Variants in RIT2 observed in about 807,000 individuals in gnomAD.
RIT2 encodes the protein Ras like without CAAX 2.
RIT2 carries 24 observed loss-of-function variants against 23.7 expected under a neutral mutation model. The ratio of observed to expected loss-of-function variants is 1.01; its 90% CI spans 0.73 to 1.43. The LOEUF is 1.43. Ranked by LOEUF, RIT2 falls within the 40% of genes most tolerant of loss-of-function variation. The pLI, the probability that RIT2 is intolerant of heterozygous loss-of-function variation, is 0.00. For missense variants in RIT2, 236 were observed against 266.9 expected, an observed-to-expected ratio of 0.88 and a Z score of 0.81; for synonymous variants, 107 against 91.1, an observed-to-expected ratio of 1.17 and a Z score of -0.99.
intron 4 of RIT2, among the ~76,000 whole-genome samples, chr18:42,848,709 C>T (rs1202244301): frequency 2.0e-5 from 3 of 152,052 alleles, no homozygotes; most frequent in Admixed American, 1.3e-4. Context: ...CTCTCGTTAG[C>T]ATAAATGGCA....
At chr18:42,839,343 A>C (rs138682760) in intron 4 of RIT2, among the ~76,000 whole-genome samples, 22 of 152,298 alleles carry the variant, frequency 1.4e-4, no homozygotes, top group African/African-American at 5.3e-4. Flanking sequence ...CAATGAGAAT[A>C]CTGGACTTTG....
chr18:43,022,401 TAAC>T (rs1911617702), intron 2 of RIT2, among the ~76,000 whole-genome samples: 1 of 152,084 alleles, frequency 6.6e-6, no homozygotes, highest in South Asian at 2.1e-4. Flanking sequence ...CAGAGTAGGG[TAAC>T]TACAGTTAAT....
chr18:42,896,264 C>CA (rs1028267779), intron 4 of RIT2, among the ~76,000 whole-genome samples: 9 of 151,560 alleles, frequency 5.9e-5, no homozygotes, highest in East Asian at 1.9e-4. Flanking sequence ...AACTCCGTCA[C>CA]AAAAAAAATA....
rs191326575 is a variant in RIT2 at position 42,788,541 on chromosome 18, C to T, written c.427-44821G>A. 3.0e-3 allele frequency among the ~76,000 whole-genome samples: 459 copies of T among 152,242 alleles called. 2 individuals are homozygous for T. Among genetic ancestry groups the T allele is most frequent in the South Asian group, 0.013 (61 of 4,830 alleles). ...ATTTGTCATTTGAAATCATGGTTTA[C>T]TCTCAAGTGAATGTTGATGTATTTT... On this transcript the variant is annotated intron_variant, in intron 4 of 4. Coordinates refer to ENST00000326695, the MANE Select transcript of RIT2 (RefSeq NM_002930.4).
chr18:42,944,087 C>T lies in RIT2; in HGVS notation c.235-20324G>A, dbSNP rs112731022. Among the ~76,000 whole-genome samples the T allele has an allele frequency of 6.1e-3, 930 of 152,224 alleles. 3 individuals are homozygous for T. Among genetic ancestry groups the T allele is most frequent in the Non-Finnish European group, 9.2e-3 (624 of 67,998 alleles). On this transcript the variant is annotated intron_variant, in intron 3 of 4. Coordinates refer to ENST00000326695, the MANE Select transcript of RIT2 (RefSeq NM_002930.4). ...ATGTAAGCCACGTCACGTCCCTTCC[C>T]TACTTTGAACTAGCTAATGGCTCCC...
chr18:43,027,999 G>A (rs928933084), intron 2 of RIT2, among the ~76,000 whole-genome samples: 16 of 152,054 alleles, frequency 1.1e-4, no homozygotes, highest in Non-Finnish European at 2.9e-5. Flanking sequence ...ACTGTGTGAG[G>A]TCCTGTATGA....
rs564960407 is a variant in RIT2 at position 43,114,760 on chromosome 18, T to G, written c.103+657A>C. Reference sequence around the variant, plus strand: ...TGTACCAAAAGAAATTTGCTATTCTTCATCTCTATTATCACCTCATCTTCA... The same window carrying G: ...TGTACCAAAAGAAATTTGCTATTCTGCATCTCTATTATCACCTCATCTTCA... On this transcript the variant is annotated intron_variant, in intron 1 of 4. Coordinates refer to ENST00000326695, the MANE Select transcript of RIT2 (RefSeq NM_002930.4). Among the ~76,000 whole-genome samples the G allele has an allele frequency of 3.0e-4, 45 of 152,308 alleles. No homozygotes were observed. In the South Asian group the frequency reaches 8.9e-3, roughly 30 times the overall value.
chr18:42,782,582 G>T (rs1027592804), intron 4 of RIT2, among the ~76,000 whole-genome samples: 2 of 152,078 alleles, frequency 1.3e-5, no homozygotes, highest in African/African-American at 4.8e-5. Flanking sequence ...CTTTATAAGT[G>T]TAAGACAATT....
At chr18:42,962,915 A>AT (rs921154931) in intron 3 of RIT2, among the ~76,000 whole-genome samples, 13 of 152,108 alleles carry the variant, frequency 8.5e-5, no homozygotes, top group African/African-American at 2.9e-4. Context: ...ATCAGAAGAC[A>AT]TTTTTTACCT....
intron 2 of RIT2, among the ~76,000 whole-genome samples, chr18:42,990,577 T>C (rs984876678): frequency 6.6e-6 from 1 of 152,222 alleles, no homozygotes; most frequent in African/African-American, 2.4e-5. Context: ...TTTGTTGTAA[T>C]TATTTGTCTT....
chr18:43,042,018 G>A (rs925031188), intron 1 of RIT2, among the ~76,000 whole-genome samples: 4 of 152,022 alleles, frequency 2.6e-5, no homozygotes, highest in African/African-American at 7.2e-5. Flanking sequence ...ATATTTATGC[G>A]AAGTACTAAA....
At chr18:43,113,037 A>G (rs1913989503) in intron 1 of RIT2, among the ~76,000 whole-genome samples, 1 of 152,182 alleles carries the variant, frequency 6.6e-6, no homozygotes, top group Non-Finnish European at 1.5e-5. Flanking sequence ...CGTATATTTT[A>G]GAGCCATGAT....
chr18:42,798,206 C>T lies in RIT2; in HGVS notation c.427-54486G>A, dbSNP rs545951100. The stretch of plus-strand genomic sequence containing the variant: ...TTCAAAATTCATCATTAAGTAACCC[C>T]TATGTTTCAGGAACCATTCTGAATT... On this transcript the variant is annotated intron_variant, in intron 4 of 4. Transcript: ENST00000326695. 1.6e-3 allele frequency among the ~76,000 whole-genome samples: 249 copies of T among 152,294 alleles called. 2 individuals carry two copies. Among genetic ancestry groups the T allele is most frequent in the African/African-American group, 5.7e-3 (237 of 41,570 alleles).
At chr18:42,917,150 G>T (rs1465139349) in intron 4 of RIT2, among the ~76,000 whole-genome samples, 1 of 152,066 alleles carries the variant, frequency 6.6e-6, no homozygotes, top group Non-Finnish European at 1.5e-5. Context: ...TTCTGTGCTG[G>T]ACAGGAAGTA....
At chr18:42,899,208 T>C (rs1393960020) in intron 4 of RIT2, among the ~76,000 whole-genome samples, 1 of 151,624 alleles carries the variant, frequency 6.6e-6, no homozygotes, top group African/African-American at 2.4e-5. Context: ...TTCAACTACA[T>C]TGAATGTTGT....
At chr18:42,844,140 C>A (rs1906843697) in intron 4 of RIT2, among the ~76,000 whole-genome samples, 1 of 152,142 alleles carries the variant, frequency 6.6e-6, no homozygotes, top group South Asian at 2.1e-4. Context: ...ACTCTCTGGG[C>A]ACTGACATAA....
At chr18:43,100,406 A>G (rs1913656062) in intron 1 of RIT2, among the ~76,000 whole-genome samples, 1 of 152,168 alleles carries the variant, frequency 6.6e-6, no homozygotes. Context: ...ATGAGATCAC[A>G]GAAGTGACAT....
intron 4 of RIT2, among the ~76,000 whole-genome samples, chr18:42,833,607 A>T (rs1414043575): frequency 2.0e-5 from 3 of 152,208 alleles, no homozygotes; most frequent in Non-Finnish European, 4.4e-5. Flanking sequence ...AATAACTTGC[A>T]CCAAAGATCA....
chr18:43,086,166 C>T (rs1913278109), intron 1 of RIT2, among the ~76,000 whole-genome samples: 1 of 152,086 alleles, frequency 6.6e-6, no homozygotes, highest in Admixed American at 6.6e-5. Context: ...AACCCCAAAA[C>T]CCAAAATATG....
Sources: gnomAD v4.1 joint callset for allele counts (sites outside exome capture counted in the v4.1 genomes callset) on GRCh38, gnomAD v4.1.1 for gene constraint, MANE v1.5 for transcripts, NCBI Gene and HGNC (gene_info 2026-07-23, HGNC 2026-07-21) for gene names.